The following CLDN16 variants were observed in gnomAD, a reference collection of about 807,000 sequenced individuals.
The protein encoded by CLDN16 is claudin-16.
Under a neutral mutation model 24.6 loss-of-function variants are expected in CLDN16, and 13 were observed. That is an observed-to-expected ratio of 0.53 (90% CI 0.34 to 0.84). The LOEUF (loss-of-function observed/expected upper bound fraction) is 0.84, where lower values mean the gene tolerates loss of function less well. Among genes scored for constraint, CLDN16 ranks in the 40% least tolerant of loss-of-function variants. The pLI is 0.01. For synonymous variants in CLDN16, 116 were observed against 106.7 expected, an observed-to-expected ratio of 1.09 and a Z score of -0.54; for missense variants, 298 against 292.7, an observed-to-expected ratio of 1.02 and a Z score of -0.13.
At chr3:190,308,004 C>T in the CLDN16 span, 1 of 386,888 alleles carries the variant, frequency 2.6e-6, no homozygotes, top group Non-Finnish European at 4.8e-6. Context: ...TTAAGGAGCA[C>T]CCCTTCCCCC....
At chr3:190,298,344 A>G in the CLDN16 span, among the ~76,000 whole-genome samples, 2 of 81,702 alleles carry the variant, frequency 2.4e-5, no homozygotes, top group Non-Finnish European at 4.5e-5. Context: ...TCACATGTAT[A>G]TTATACACAC....
chr3:190,324,857 CA>C (rs1717025189), intron 1 of CLDN16, among the ~76,000 whole-genome samples: 1 of 152,182 alleles, frequency 6.6e-6, no homozygotes, highest in African/African-American at 2.4e-5. Flanking sequence ...AGAGGAAAAA[CA>C]GCTTCCAAAT....
intron 1 of CLDN16, among the ~76,000 whole-genome samples, chr3:190,358,366 C>T (rs778557222): frequency 4.6e-5 from 7 of 151,900 alleles, no homozygotes; most frequent in Non-Finnish European, 1.0e-4. Context: ...ATCATGAGTG[C>T]ATTCATTTCT....
At chr3:190,340,533 TTACCTGC>T (rs962283161) in intron 1 of CLDN16, among the ~76,000 whole-genome samples, 1 of 152,114 alleles carries the variant, frequency 6.6e-6, no homozygotes, top group African/African-American at 2.4e-5. Context: ...CATGATTCAA[TTACCTGC>T]TACCAGGTCC....
the CLDN16 span, chr3:190,313,284 A>T: frequency 6.0e-6 from 3 of 500,026 alleles, no homozygotes; most frequent in African/African-American, 5.8e-5. Context: ...CCAACATTAA[A>T]TTCAAAATCA....
At chr3:190,331,116 T>C (rs1291239134) in intron 1 of CLDN16, among the ~76,000 whole-genome samples, 4 of 152,198 alleles carry the variant, frequency 2.6e-5, no homozygotes, top group African/African-American at 9.7e-5. Flanking sequence ...TTTGCTACCA[T>C]ACCTATGTGA....
At chr3:190,372,978 C>T (rs542657309) in intron 2 of CLDN16, among the ~76,000 whole-genome samples, 2 of 152,000 alleles carry the variant, frequency 1.3e-5, no homozygotes, top group South Asian at 2.1e-4. Flanking sequence ...TGTCGGAATC[C>T]TTACTGTACA....
intron 1 of CLDN16, among the ~76,000 whole-genome samples, chr3:190,345,365 T>C (rs1717528200): frequency 6.6e-6 from 1 of 152,178 alleles, no homozygotes; most frequent in African/African-American, 2.4e-5. Flanking sequence ...ATTTGACTTC[T>C]CCTCCCTTAG....
the CLDN16 span, chr3:190,313,104 C>T: frequency 1.3e-6 from 2 of 1,555,454 alleles, no homozygotes; most frequent in Non-Finnish European, 1.8e-6. Context: ...GGAAGAAGAC[C>T]AAGTATATGT....
At chr3:190,315,060 G>T in the CLDN16 span, among the ~76,000 whole-genome samples, 3 of 152,188 alleles carry the variant, frequency 2.0e-5, no homozygotes, top group Non-Finnish European at 2.9e-5. Context: ...CATGGTTAAG[G>T]TATGTCCTCT....
At chr3:190,387,770 C>A, upstream of CLDN16, 1 of 318,654 alleles carries the variant, frequency 3.1e-6, no homozygotes, top group Non-Finnish European at 6.1e-6. Flanking sequence ...CTTGAGCGAG[C>A]ACTTGTTTAG....
At chr3:190,317,806 T>C (rs1020265985), upstream of CLDN16, among the ~76,000 whole-genome samples, 2 of 152,334 alleles carry the variant, frequency 1.3e-5, no homozygotes, top group South Asian at 2.1e-4. Flanking sequence ...TACTGTATTC[T>C]TGATCGGTAT....
the CLDN16 span, among the ~76,000 whole-genome samples, chr3:190,311,299 G>A: frequency 1.3e-5 from 2 of 152,146 alleles, no homozygotes; most frequent in African/African-American, 4.8e-5. Flanking sequence ...TTCATGCCAC[G>A]ATGGCCACAA....
chr3:190,408,357 G>C lies in CLDN16; in HGVS notation c.426G>C (p.Val142=), dbSNP rs781052097. 2 of 1,614,126 alleles carry C rather than the reference G, an allele frequency of 1.2e-6. No homozygotes were observed. The highest frequency in any genetic ancestry group is 3.3e-5 in the Admixed American group (2 of 60,022). ...GCTCTGTGTGGTATGCTGTTGATGTGTATGTGGAACGTTCTACTTTGGTTT... is the reference window on the plus strand; with the variant it reads ...GCTCTGTGTGGTATGCTGTTGATGTCTATGTGGAACGTTCTACTTTGGTTT... ...IIGSVWYAVD[V]YVERSTLVLH... The change falls in exon 4 of 5, where the codon GTG becomes GTC. Residue 142 remains valine, a synonymous_variant. Transcript: ENST00000264734.
intron 1 of CLDN16, among the ~76,000 whole-genome samples, chr3:190,368,893 G>T (rs1379979455): frequency 1.3e-5 from 2 of 151,814 alleles, no homozygotes; most frequent in Non-Finnish European, 2.9e-5. Flanking sequence ...ATTTTCTGTT[G>T]CTTGCTACTA....
At chr3:190,342,076 C>G (rs1043442257) in intron 1 of CLDN16, among the ~76,000 whole-genome samples, 1 of 152,216 alleles carries the variant, frequency 6.6e-6, no homozygotes, top group Non-Finnish European at 1.5e-5. Flanking sequence ...TCCAAACTTT[C>G]TCACATCTTC....
intron 1 of CLDN16, among the ~76,000 whole-genome samples, chr3:190,398,013 A>T (rs1718862649): frequency 6.6e-6 from 1 of 152,228 alleles, no homozygotes; most frequent in Admixed American, 6.5e-5. Flanking sequence ...GCTGGCTTAT[A>T]CAGTAAGAAA....
At chr3:190,306,362 G>A in the CLDN16 span, 4 of 152,328 alleles carry the variant, frequency 2.6e-5, no homozygotes, top group East Asian at 7.7e-4. Flanking sequence ...TTGAGAGACT[G>A]GTTAAGGCAA....
At chr3:190,363,554 G>GCATATA (rs10663299) in intron 1 of CLDN16, among the ~76,000 whole-genome samples, 12,432 of 80,778 alleles carry the variant, frequency 0.15, 2,535 homozygotes, top group Middle Eastern at 0.22. Flanking sequence ...GTGTGTGTGT[G>GCATATA]TGTATATATA....
Sources: gnomAD v4.1 joint callset for allele counts (sites outside exome capture counted in the v4.1 genomes callset) on GRCh38, gnomAD v4.1.1 for gene constraint, MANE v1.5 for transcripts, NCBI Gene and HGNC (gene_info 2026-07-23, HGNC 2026-07-21) for gene names.